Variants in SOX5 observed in about 807,000 individuals in gnomAD.
The protein encoded by SOX5 is transcription factor SOX-5.
Under a neutral mutation model 92.0 loss-of-function variants are expected in SOX5, and 9 were observed. The observed-to-expected ratio is 0.10, with a 90% CI of 0.06 to 0.17. The LOEUF (loss-of-function observed/expected upper bound fraction) is 0.17, where lower values mean the gene tolerates loss of function less well. Among genes scored for constraint, SOX5 ranks in the 10% least tolerant of loss-of-function variants. SOX5 has a pLI of 1.00. For synonymous variants in SOX5, 344 were observed against 336.3 expected (o/e 1.02, Z -0.25); for missense variants, 642 against 944.5 (o/e 0.68, Z 4.20).
intron 4 of SOX5, among the ~76,000 whole-genome samples, chr12:24,074,636 A>AAAAAAAAAAAAAAAAAAAAAAAC (rs1942280520): frequency 6.7e-6 from 1 of 149,830 alleles, no homozygotes; most frequent in Non-Finnish European, 1.5e-5. Flanking sequence ...CTACCAAAAA[A>AAAAAAAAAAAAAAAAAAAAAAAC]AAAAAAAAAA....
chr12:24,424,482 A>C lies in SOX5; in HGVS notation c.-250-55843T>G, dbSNP rs530244865. On this transcript the variant is annotated intron_variant, in intron 1 of 4. Coordinates refer to the SOX5 transcript ENST00000446891. Reference sequence around the variant, plus strand: ...TTATGGCATATACTAGTGTTTAAACAAGCACTTTTCCCCCGCAGGCTGCTA... The same window carrying C: ...TTATGGCATATACTAGTGTTTAAACCAGCACTTTTCCCCCGCAGGCTGCTA... Among the ~76,000 whole-genome samples the C allele has an allele frequency of 4.6e-5, 7 of 152,228 alleles. No individual in the cohort carries two copies. In the South Asian group the frequency reaches 1.5e-3, roughly 32 times the overall value.
intron 1 of SOX5, among the ~76,000 whole-genome samples, chr12:24,444,588 A>G (rs1941176910): frequency 6.6e-6 from 1 of 152,200 alleles, no homozygotes; most frequent in Non-Finnish European, 1.5e-5. Flanking sequence ...TTCCTTTAGT[A>G]AATGAAGCAC....
intron 1 of SOX5, among the ~76,000 whole-genome samples, chr12:24,514,067 G>A (rs1023347668): frequency 2.0e-5 from 3 of 152,134 alleles, no homozygotes; most frequent in African/African-American, 7.2e-5. Context: ...GAGAATTATG[G>A]TGTCCCTCCT....
chr12:23,674,979 T>C (rs1474123688), intron 6 of SOX5, among the ~76,000 whole-genome samples: 1 of 152,164 alleles, frequency 6.6e-6, no homozygotes, highest in African/African-American at 2.4e-5. Flanking sequence ...CTGAAGATCT[T>C]AAATTGTTAG....
At chr12:23,804,650 C>T (rs1030851538) in intron 3 of SOX5, among the ~76,000 whole-genome samples, 12 of 151,626 alleles carry the variant, frequency 7.9e-5, no homozygotes, top group African/African-American at 1.7e-4. Flanking sequence ...TGATGGTACC[C>T]GATGCATTTT....
intron 1 of SOX5, among the ~76,000 whole-genome samples, chr12:23,944,727 T>G (rs1471846273): frequency 1.3e-5 from 2 of 152,284 alleles, no homozygotes; most frequent in African/African-American, 4.8e-5. Flanking sequence ...AGATAATGAA[T>G]GAAGGAAGGA....
intron 4 of SOX5, among the ~76,000 whole-genome samples, chr12:24,181,920 A>T (rs10771066): frequency 2.0e-5 from 3 of 152,106 alleles, no homozygotes; most frequent in African/African-American, 7.2e-5. Context: ...ATGCTTCCAA[A>T]CCATTTTTCA....
intron 4 of SOX5, among the ~76,000 whole-genome samples, chr12:24,139,252 A>G (rs1950358924): frequency 6.6e-6 from 1 of 152,296 alleles, no homozygotes; most frequent in African/African-American, 2.4e-5. Flanking sequence ...TCGGAAGCAT[A>G]TGTTCATTGG....
At chr12:24,056,452 A>G (rs1270248845) in intron 4 of SOX5, among the ~76,000 whole-genome samples, 1 of 152,256 alleles carries the variant, frequency 6.6e-6, no homozygotes, top group Non-Finnish European at 1.5e-5. Context: ...AATGCTTAAA[A>G]TTACAAAATT....
At chr12:23,567,065 A>G (rs1462770235) in intron 10 of SOX5, among the ~76,000 whole-genome samples, 1 of 152,168 alleles carries the variant, frequency 6.6e-6, no homozygotes, top group Non-Finnish European at 1.5e-5. Flanking sequence ...CATTTTCCCT[A>G]TATGTTCACT....
At chr12:24,447,752 T>A (rs1271590566) in intron 1 of SOX5, among the ~76,000 whole-genome samples, 1 of 151,888 alleles carries the variant, frequency 6.6e-6, no homozygotes, top group Non-Finnish European at 1.5e-5. Flanking sequence ...AGCAGAGAGG[T>A]CTTGTATTGC....
chr12:24,451,315 C>T (rs909489017), intron 1 of SOX5, among the ~76,000 whole-genome samples: 3 of 152,120 alleles, frequency 2.0e-5, no homozygotes, highest in Non-Finnish European at 4.4e-5. Context: ...ATATACCCAG[C>T]AGTGGGATTA....
intron 6 of SOX5, among the ~76,000 whole-genome samples, chr12:23,688,599 C>T (rs940688613): frequency 9.9e-5 from 15 of 152,086 alleles, no homozygotes; most frequent in East Asian, 5.8e-4. Context: ...ATACCTCTCT[C>T]TATCCCTTAT....
chr12:24,450,117 T>C lies in SOX5; in HGVS notation c.-250-81478A>G, dbSNP rs551202742. 1.9e-3 allele frequency among the ~76,000 whole-genome samples: 285 copies of C among 152,324 alleles called. 2 individuals carry two copies. The highest frequency in any genetic ancestry group is 2.9e-3 in the Non-Finnish European group (194 of 68,024). On this transcript the variant is annotated intron_variant, in intron 1 of 4. Transcript: ENST00000446891. Reference sequence around the variant, plus strand: ...ATAAATAGGAATTTCCCAAAATTTGTTCCTTAGAACAGGACTTGAGATAAT... The same window carrying C: ...ATAAATAGGAATTTCCCAAAATTTGCTCCTTAGAACAGGACTTGAGATAAT...
chr12:24,352,960 G>T (rs1220662014), intron 2 of SOX5, among the ~76,000 whole-genome samples: 1 of 152,198 alleles, frequency 6.6e-6, no homozygotes, highest in Admixed American at 6.5e-5. Context: ...GATACCTGGA[G>T]CATGTCTAGA....
upstream of SOX5, among the ~76,000 whole-genome samples, chr12:23,955,295 C>T (rs1363823990): frequency 2.0e-5 from 3 of 152,024 alleles, no homozygotes; most frequent in African/African-American, 4.8e-5. Flanking sequence ...TCACAAATAA[C>T]ATAAAAGATA....
At chr12:24,108,614 T>C (rs1185848409) in intron 4 of SOX5, among the ~76,000 whole-genome samples, 5 of 152,180 alleles carry the variant, frequency 3.3e-5, no homozygotes, top group African/African-American at 1.2e-4. Context: ...TCAGAAATCC[T>C]ATCTTTACAA....
chr12:24,318,985 G>A (rs1949961362), intron 2 of SOX5, among the ~76,000 whole-genome samples: 2 of 152,046 alleles, frequency 1.3e-5, no homozygotes, highest in African/African-American at 4.8e-5. Flanking sequence ...GCAAAACTGG[G>A]GCCACAAGGC....
At chr12:24,170,448 G>C (rs552565156) in intron 4 of SOX5, among the ~76,000 whole-genome samples, 2 of 152,122 alleles carry the variant, frequency 1.3e-5, no homozygotes, top group African/African-American at 4.8e-5. Context: ...TTCTCGATAA[G>C]GAAAACCTGA....
Sources: gnomAD v4.1 joint callset for allele counts (sites outside exome capture counted in the v4.1 genomes callset) on GRCh38, gnomAD v4.1.1 for gene constraint, MANE v1.5 for transcripts, NCBI Gene and HGNC (gene_info 2026-07-23, HGNC 2026-07-21) for gene names.